Variants in ERC1 observed in about 807,000 individuals in gnomAD.
ERC1 encodes ELKS/RAB6-interacting/CAST family member 1.
In ERC1, 56 loss-of-function variants were observed where a neutral mutation model predicts 132.0. The observed-to-expected ratio is 0.42, with a 90% CI of 0.34 to 0.53. ERC1 has a LOEUF of 0.53. Ranked by LOEUF, ERC1 falls within the 20% of genes least tolerant of loss-of-function variation. The probability of loss-of-function intolerance (pLI) is 0.03; values close to 1 mark genes in which losing one functional copy is unlikely to be tolerated. For missense variants in ERC1, 1,202 were observed against 1,349.9 expected, an observed-to-expected ratio of 0.89 and a Z score of 1.72; for synonymous variants, 478 against 476.1, an observed-to-expected ratio of 1.00 and a Z score of -0.05.
chr12:1,474,090 C>T (rs998608232), intron 18 of ERC1, among the ~76,000 whole-genome samples: 1 of 152,190 alleles, frequency 6.6e-6, no homozygotes, highest in African/African-American at 2.4e-5. Context: ...CCTGCAGATT[C>T]AAGTTAGGGG....
rs192768598 is a variant in ERC1, at chr12:1,442,093, A to G, written c.3025-2469A>G. Among the ~76,000 whole-genome samples the G allele has an allele frequency of 1.7e-4, 26 of 152,174 alleles. No individual in the cohort carries two copies. The East Asian group carries it at 4.6e-3, about 27-fold the overall frequency. Reference sequence around the variant, plus strand: ...CAGGCGCACGCCACCATGCCCGACTAATTTTTGTATTTTTAGTAGAGACAG... The same window carrying G: ...CAGGCGCACGCCACCATGCCCGACTGATTTTTGTATTTTTAGTAGAGACAG... On this transcript the variant is annotated intron_variant, in intron 17 of 18. Coordinates refer to ENST00000360905, the MANE Select transcript of ERC1 (RefSeq NM_178040.4).
intron 16 of ERC1, among the ~76,000 whole-genome samples, chr12:1,405,816 C>G (rs2154393501): frequency 6.6e-6 from 1 of 152,266 alleles, no homozygotes; most frequent in African/African-American, 2.4e-5. Flanking sequence ...TCTGAGAAGC[C>G]AAGACGGGGG....
chr12:1,119,799 C>T lies in ERC1; in HGVS notation c.1569+3766C>T, dbSNP rs1165397239. Among the ~76,000 whole-genome samples the T allele has an allele frequency of 2.0e-5, 3 of 151,852 alleles. 1 individual carries two copies. The highest frequency in any genetic ancestry group is 7.3e-5 in the African/African-American group (3 of 41,216). Reference sequence around the variant, plus strand: ...TCCCGACCTCAGGTGATCTGTCCTCCTCAGCCACCCAAAGTGCTGGGATTA... The same window carrying T: ...TCCCGACCTCAGGTGATCTGTCCTCTTCAGCCACCCAAAGTGCTGGGATTA... On this transcript the variant is annotated intron_variant, in intron 7 of 18. Coordinates refer to ENST00000360905, the MANE Select transcript of ERC1 (RefSeq NM_178040.4).
Position 1,165,466 on chromosome 12 carries a change from C to T in ERC1, c.1738-15074C>T, listed in dbSNP as rs896385451. 5.3e-5 allele frequency among the ~76,000 whole-genome samples: 8 copies of T among 152,060 alleles called. No individual in the cohort carries two copies. In the East Asian group the frequency reaches 5.8e-4, roughly 11 times the overall value. ...GACTACAGGCGCCTGCCACCATGCC[C>T]GGCGAATTTTTTTGTATTTTTAGTA... On this transcript the variant is annotated intron_variant, in intron 8 of 18. Transcript: ENST00000360905.
At chr12:1,121,119 CCTT>C (rs1484484408) in intron 7 of ERC1, among the ~76,000 whole-genome samples, 3 of 152,240 alleles carry the variant, frequency 2.0e-5, no homozygotes, top group South Asian at 4.1e-4. Flanking sequence ...CTTAGAGTAA[CCTT>C]CTAAGAAATA....
chr12:1,483,210 A>C (rs1034830501), intron 18 of ERC1, among the ~76,000 whole-genome samples: 1 of 152,194 alleles, frequency 6.6e-6, no homozygotes, highest in African/African-American at 2.4e-5. Flanking sequence ...AGGCAGGAGG[A>C]TCACTTGAGT....
chr12:1,047,839 G>GAC (rs928647505), intron 2 of ERC1, among the ~76,000 whole-genome samples: 2 of 152,026 alleles, frequency 1.3e-5, no homozygotes, highest in Non-Finnish European at 2.9e-5. Context: ...AGATAGGACT[G>GAC]ACACTTTAGT....
At chr12:1,199,182 C>A (rs909726692) in intron 12 of ERC1, among the ~76,000 whole-genome samples, 1 of 148,914 alleles carries the variant, frequency 6.7e-6, no homozygotes, top group African/African-American at 2.5e-5. Context: ...CAGGCCCCAC[C>A]TCCAACACTG....
chr12:1,481,908 T>C (rs112358122), intron 18 of ERC1, among the ~76,000 whole-genome samples: 2 of 152,200 alleles, frequency 1.3e-5, no homozygotes, highest in African/African-American at 4.8e-5. Context: ...CCCTTTGTTT[T>C]TACTTAGTTC....
chr12:1,018,690 T>G (rs1373837303), intron 1 of ERC1, among the ~76,000 whole-genome samples: 1 of 152,272 alleles, frequency 6.6e-6, no homozygotes, highest in Non-Finnish European at 1.5e-5. Flanking sequence ...TAATGGTTTT[T>G]ACGTGGATTT....
intron 17 of ERC1, among the ~76,000 whole-genome samples, chr12:1,441,233 A>AT (rs1163097305): frequency 1.3e-5 from 2 of 150,660 alleles, no homozygotes; most frequent in Non-Finnish European, 3.0e-5. Context: ...TGATTTTTGT[A>AT]TTTTTTTAGT....
intron 16 of ERC1, among the ~76,000 whole-genome samples, chr12:1,399,259 A>G (rs1252632566): frequency 6.6e-6 from 1 of 151,884 alleles, no homozygotes; most frequent in Non-Finnish European, 1.5e-5. Context: ...CCCTCTCTTA[A>G]TATTTTTTAA....
chr12:1,017,595 T>A (rs771843034), intron 1 of ERC1, among the ~76,000 whole-genome samples: 1 of 148,530 alleles, frequency 6.7e-6, no homozygotes, highest in Non-Finnish European at 1.5e-5. Flanking sequence ...ACCTCCCGGG[T>A]TCAAGCGATT....
intron 12 of ERC1, among the ~76,000 whole-genome samples, chr12:1,229,763 A>AT (rs1033129567): frequency 4.6e-5 from 7 of 152,040 alleles, no homozygotes; most frequent in African/African-American, 1.7e-4. Context: ...TATTATGTTG[A>AT]TTTTTTAGAA....
intron 13 of ERC1, among the ~76,000 whole-genome samples, chr12:1,260,577 A>G (rs530049177): frequency 2.0e-5 from 3 of 152,306 alleles, no homozygotes; most frequent in African/African-American, 4.8e-5. Flanking sequence ...TAAATAGGAG[A>G]TTCAAGCTGT....
chr12:1,137,336 A>G (rs1280571562), intron 7 of ERC1, among the ~76,000 whole-genome samples: 1 of 150,888 alleles, frequency 6.6e-6, no homozygotes, highest in Non-Finnish European at 1.5e-5. Flanking sequence ...TGACCTTGTG[A>G]TCTGCCCATC....
rs1177903456 is a variant in ERC1 at position 1,138,494 on chromosome 12, A to G, written c.1570-3126A>G. ...AAAAAAAGTGTTAAATTCTATTACA[A>G]AATACCCTGAGAAAGGATGAGGGAG... On this transcript the variant is annotated intron_variant, in intron 7 of 18. Coordinates refer to ENST00000360905, the MANE Select transcript of ERC1 (RefSeq NM_178040.4). Among the ~76,000 whole-genome samples, 4 of 150,966 alleles carry G rather than the reference A, an allele frequency of 2.6e-5. No individual in the cohort carries two copies. In the East Asian group the frequency reaches 5.8e-4, roughly 22 times the overall value.
chr12:1,378,852 A>G (rs1381501724), intron 16 of ERC1, among the ~76,000 whole-genome samples: 2 of 152,228 alleles, frequency 1.3e-5, no homozygotes, highest in East Asian at 1.9e-4. Flanking sequence ...CTGAACCTTC[A>G]GATGACATCC....
At position 1,494,484 on chromosome 12, in the gene ERC1, C is replaced by T. The variant is rs1333863477; in HGVS notation, c.*4254C>T. The T allele has an allele frequency of 4.3e-6, 1 of 231,936 alleles. No individual in the cohort carries two copies. Among genetic ancestry groups the T allele is most frequent in the Non-Finnish European group, 8.5e-6 (1 of 117,338 alleles). The allele number at this position is 231,936 out of a possible 1,614,324, so 14.4% of individuals were successfully genotyped here. ...AAAAGACATACATTACAGGGAAATC[C>T]TTCTGAACAAAATGGCTATCTTCAC... On this transcript the variant is annotated 3_prime_UTR_variant, in exon 19 of 19. Coordinates refer to ENST00000360905, the MANE Select transcript of ERC1 (RefSeq NM_178040.4).
Sources: allele counts gnomAD v4.1 joint callset (sites outside exome capture counted in the v4.1 genomes callset), GRCh38; gene constraint gnomAD v4.1.1; transcripts MANE v1.5; gene names NCBI Gene and HGNC (gene_info 2026-07-23, HGNC 2026-07-21).